The following XPO5 variants were observed in gnomAD, a reference collection of about 807,000 sequenced individuals.
XPO5 encodes exportin 5.
Under a neutral mutation model 160.6 loss-of-function variants are expected in XPO5, and 46 were observed. That is an observed-to-expected ratio of 0.29 (90% confidence interval 0.23 to 0.37). The LOEUF is 0.37. Ranked by LOEUF, XPO5 falls within the 10% of genes least tolerant of loss-of-function variation. The pLI is 1.00. For synonymous variants in XPO5, 537 were observed against 519.3 expected, an observed-to-expected ratio of 1.03 and a Z score of -0.46; for missense variants, 1,090 against 1,463.9, an observed-to-expected ratio of 0.74 and a Z score of 4.17.
chr6:43,555,615 T>C (rs1368304518), intron 13 of XPO5: 15 of 377,846 alleles, frequency 4.0e-5, no homozygotes, highest in Non-Finnish European at 6.4e-5. Flanking sequence ...GCAAAACTGA[T>C]AAGGACATGG....
At chr6:43,567,381 C>G (rs1010248060) in intron 6 of XPO5, 27 bp from the exon 7 acceptor site, 7 of 1,572,928 alleles carry the variant, frequency 4.5e-6, no homozygotes, top group Non-Finnish European at 6.0e-6. Context: ...AACTTTGGAC[C>G]ATGAAGTCCT....
chr6:43,555,766 C>T, intron 13 of XPO5, 70 bp downstream of exon 13: 2 of 1,589,078 alleles, frequency 1.3e-6, no homozygotes, highest in Admixed American at 1.7e-5. Flanking sequence ...ATAGCTCAGG[C>T]TCATTTCCTA....
intron 7 of XPO5, 21 bp downstream of exon 7, chr6:43,567,148 C>G: frequency 6.3e-7 from 1 of 1,598,882 alleles, no homozygotes. Context: ...GAGGATAAGT[C>G]AGTTTGAAGT....
chr6:43,567,746 A>G (rs541248746), intron 6 of XPO5, among the ~76,000 whole-genome samples: 2 of 152,084 alleles, frequency 1.3e-5, no homozygotes, highest in African/African-American at 4.8e-5. Context: ...AACAAAAAAT[A>G]AAATAAAATA....
chr6:43,545,605 G>A (rs1794925357), intron 20 of XPO5, among the ~76,000 whole-genome samples: 1 of 152,110 alleles, frequency 6.6e-6, no homozygotes, highest in Admixed American at 6.5e-5. Context: ...TACTTGGGTG[G>A]CTGAGGCAGA....
At chr6:43,535,958 A>G (rs1449717203) in intron 20 of XPO5, among the ~76,000 whole-genome samples, 1 of 151,852 alleles carries the variant, frequency 6.6e-6, no homozygotes, top group Non-Finnish European at 1.5e-5. Context: ...CCCTGTCTCT[A>G]CTAAAAATAT....
chr6:43,575,640 T>G, intron 1 of XPO5, 120 bp downstream of exon 1: 2 of 848,598 alleles, frequency 2.4e-6, no homozygotes, highest in Non-Finnish European at 3.7e-6. Context: ...CCCGGGGAGT[T>G]GGGAAAGGAG....
chr6:43,567,723 T>C (rs1462269902), intron 6 of XPO5, among the ~76,000 whole-genome samples: 2 of 151,332 alleles, frequency 1.3e-5, no homozygotes, highest in Admixed American at 6.6e-5. Context: ...GCAAAACTAG[T>C]GTCTACCAAA....
Position 43,548,270 on chromosome 6 carries a change from T to G in XPO5, c.2051A>C (p.Asp684Ala). 1 of 1,609,782 alleles carries G rather than the reference T, an allele frequency of 6.2e-7. No homozygotes were observed. ...AAGGGATCTCCTTTACCTGTGCATG[T>G]CTTGAGAAAGCCAGATGCTGGCCAC... ...APVASIWLSQ[D>A]MHRVLSDVDA... Residue 684 changes from aspartate (D) to alanine (A), a missense_variant, in exon 18 of 32, where the codon GAC becomes GCC. By Grantham distance (126) the Asp-to-Ala change is moderately radical (BLOSUM62 -2). Transcript: ENST00000265351.
intron 25 of XPO5, 87 bp from the exon 26 acceptor site, chr6:43,527,818 C>A: frequency 7.1e-7 from 1 of 1,398,788 alleles, no homozygotes; most frequent in Admixed American, 1.9e-5. Flanking sequence ...CTCTCTCTGA[C>A]CACTTTCTTC....
intron 14 of XPO5, 66 bp downstream of exon 14, chr6:43,553,307 A>G (rs946594841): frequency 2.2e-5 from 33 of 1,530,330 alleles, no homozygotes; most frequent in Non-Finnish European, 8.8e-7. Flanking sequence ...GTCCCAAAAT[A>G]GAAAGAGAAA....
At chr6:43,575,056 A>T (rs1409086397) in intron 1 of XPO5, among the ~76,000 whole-genome samples, 1 of 152,194 alleles carries the variant, frequency 6.6e-6, no homozygotes. Flanking sequence ...CCCAAACTGC[A>T]ACATAAGTCA....
At chr6:43,539,633 C>T (rs1317068016) in intron 20 of XPO5, 5 of 1,336,706 alleles carry the variant, frequency 3.7e-6, no homozygotes, top group Non-Finnish European at 4.2e-6. Context: ...TCTGCGGAAG[C>T]CACCGCGGTT....
chr6:43,559,840 G>A (rs552752578), intron 11 of XPO5, among the ~76,000 whole-genome samples: 26 of 152,034 alleles, frequency 1.7e-4, no homozygotes, highest in Non-Finnish European at 3.5e-4. Flanking sequence ...CCCGAGACAG[G>A]GTCTCACTCT....
At chr6:43,544,358 G>T (rs1477357789) in intron 20 of XPO5, 1 of 152,696 alleles carries the variant, frequency 6.5e-6, no homozygotes, top group Non-Finnish European at 1.5e-5. Flanking sequence ...GTGAACACAT[G>T]AGAATCTTCC....
chr6:43,525,365 T>A, intron 28 of XPO5, 151 bp from the exon 29 acceptor site: 1 of 704,972 alleles, frequency 1.4e-6, no homozygotes, highest in Non-Finnish European at 2.3e-6. Flanking sequence ...CCTGAACTCC[T>A]GGGCTCAAGC....
chr6:43,546,499 A>T, intron 20 of XPO5, 72 bp downstream of exon 20: 1 of 1,466,412 alleles, frequency 6.8e-7, no homozygotes, highest in Non-Finnish European at 9.1e-7. Flanking sequence ...GAAGACATGT[A>T]AACAGACTAA....
At chr6:43,539,578 C>T (rs1794569707) in intron 20 of XPO5, 17 of 1,351,196 alleles carry the variant, frequency 1.3e-5, no homozygotes, top group Middle Eastern at 2.4e-4. Context: ...AGCCCCGGCC[C>T]GGTCCACGGC....
intron 20 of XPO5, among the ~76,000 whole-genome samples, chr6:43,540,395 C>T (rs577177536): frequency 1.3e-5 from 2 of 152,184 alleles, no homozygotes; most frequent in Admixed American, 6.5e-5. Flanking sequence ...AGGAGAATGC[C>T]GTGAACCTGG....
Sources: gnomAD v4.1 joint callset for allele counts (sites outside exome capture counted in the v4.1 genomes callset) on GRCh38, gnomAD v4.1.1 for gene constraint, MANE v1.5 for transcripts, NCBI Gene and HGNC (gene_info 2026-07-23, HGNC 2026-07-21) for gene names.